Variants in PRICKLE2 observed in about 807,000 individuals in gnomAD.
PRICKLE2 encodes prickle planar cell polarity protein 2, also known as prickle-like protein 2.
In PRICKLE2, 21 loss-of-function variants were observed where a neutral mutation model predicts 81.4. The observed-to-expected ratio is 0.26, with a 90% confidence interval of 0.18 to 0.37. PRICKLE2 has a LOEUF of 0.37. Ranked by LOEUF, PRICKLE2 falls within the 10% of genes least tolerant of loss-of-function variation. The probability of loss-of-function intolerance (pLI) is 1.00; values close to 1 mark genes in which losing one functional copy is unlikely to be tolerated. For synonymous variants in PRICKLE2, 456 were observed against 421.5 expected (o/e 1.08, Z -1.00); for missense variants, 940 against 1,109.0 (o/e 0.85, Z 2.16).
intron 5 of PRICKLE2, 138 bp from the exon 6 acceptor site, chr3:64,153,506 T>A (rs2077578640): frequency 2.7e-6 from 2 of 754,104 alleles, no homozygotes; most frequent in South Asian, 1.6e-5. Flanking sequence ...AAAATCCATA[T>A]GGATATGTTT....
chr3:64,151,056 C>A (rs543518154), intron 6 of PRICKLE2, among the ~76,000 whole-genome samples: 34 of 152,316 alleles, frequency 2.2e-4, no homozygotes, highest in African/African-American at 7.5e-4. Context: ...GTTTATAGGA[C>A]TGTTTACTCT....
chr3:64,228,803 T>A (rs1263010345), upstream of PRICKLE2, among the ~76,000 whole-genome samples: 1 of 152,166 alleles, frequency 6.6e-6, no homozygotes, highest in African/African-American at 2.4e-5. Context: ...CTGTCGACCT[T>A]CAGAACTTTC....
intron 2 of PRICKLE2, among the ~76,000 whole-genome samples, chr3:64,196,248 T>C (rs939097691): frequency 6.6e-6 from 1 of 152,224 alleles, no homozygotes; most frequent in Non-Finnish European, 1.5e-5. Flanking sequence ...GAAAACTCTA[T>C]TTAAGCAGGA....
intron 2 of PRICKLE2, among the ~76,000 whole-genome samples, chr3:64,258,041 C>T (rs1000734348): frequency 6.6e-6 from 1 of 152,164 alleles, no homozygotes; most frequent in African/African-American, 2.4e-5. Context: ...TGATCTTGAA[C>T]CTCCAAGCAC....
rs142075140 is a variant in PRICKLE2, at chr3:64,250,617, G to T, written c.129-51650C>A. Among the ~76,000 whole-genome samples the T allele has an allele frequency of 5.9e-5, 9 of 152,276 alleles. No homozygotes were observed. In the East Asian group the frequency reaches 1.2e-3, roughly 20 times the overall value. On this transcript the variant is annotated intron_variant, in intron 2 of 8. Coordinates refer to the PRICKLE2 transcript ENST00000295902. ...ATAAGAACATTAAAAGAGTTAGAAG[G>T]CCTCACTCATGAGATCATGGCACTT... is the stretch of plus-strand genomic sequence containing the variant.
intron 2 of PRICKLE2, among the ~76,000 whole-genome samples, chr3:64,178,971 CT>C (rs1252942686): frequency 3.8e-5 from 2 of 52,954 alleles, no homozygotes; most frequent in African/African-American, 8.3e-5. Context: ...TATTTTCTTT[CT>C]TTCTTTCTTT....
At chr3:64,226,105 G>C (rs1169810613), upstream of PRICKLE2, among the ~76,000 whole-genome samples, 1 of 152,010 alleles carries the variant, frequency 6.6e-6, no homozygotes. Flanking sequence ...AACCTTCCCA[G>C]GGCATCTGAA....
At chr3:64,199,735 C>T (rs774686875) in intron 1 of PRICKLE2, 4 of 152,124 alleles carry the variant, frequency 2.6e-5, no homozygotes, top group Non-Finnish European at 4.4e-5. Context: ...TTCTCTTATC[C>T]ATAGCTACAG....
chr3:64,186,429 C>T (rs573119282), intron 2 of PRICKLE2, among the ~76,000 whole-genome samples: 12 of 152,290 alleles, frequency 7.9e-5, no homozygotes, highest in African/African-American at 2.9e-4. Context: ...AGCTTAGACT[C>T]TCAAACACTT....
intron 3 of PRICKLE2, among the ~76,000 whole-genome samples, chr3:64,162,086 T>C (rs1257966602): frequency 6.6e-6 from 1 of 152,130 alleles, no homozygotes; most frequent in Non-Finnish European, 1.5e-5. Flanking sequence ...CATTCTAATG[T>C]GGGAAAATAA....
intron 1 of PRICKLE2, among the ~76,000 whole-genome samples, chr3:64,201,643 C>T (rs1575660225): frequency 2.6e-5 from 4 of 152,146 alleles, no homozygotes; most frequent in East Asian, 1.9e-4. Context: ...GGATACAAGT[C>T]CTTTATCAGA....
intron 1 of PRICKLE2, among the ~76,000 whole-genome samples, chr3:64,202,414 A>G (rs569662131): frequency 7.4e-4 from 112 of 152,258 alleles, no homozygotes; most frequent in Non-Finnish European, 1.4e-3. Flanking sequence ...CATTTACTTC[A>G]ATCTAATTTC....
intron 7 of PRICKLE2, among the ~76,000 whole-genome samples, chr3:64,127,972 T>G (rs1353232604): frequency 6.6e-6 from 1 of 151,936 alleles, no homozygotes; most frequent in Non-Finnish European, 1.5e-5. Context: ...CAGGGCAGAT[T>G]TATTGAACAG....
In PRICKLE2 at chr3:64,199,933, A is replaced by C. The variant is rs536767427; in HGVS notation, c.-40-966T>G. On this transcript the variant is annotated intron_variant, in intron 1 of 7. Transcript: ENST00000638394. Reference sequence around the variant, plus strand: ...TTATAAAGGTGATAAAAGAGCCCAGAATTTTAATCCCCAGATGTGCCTGAA... The same window carrying C: ...TTATAAAGGTGATAAAAGAGCCCAGCATTTTAATCCCCAGATGTGCCTGAA... The C allele has an allele frequency of 2.0e-5, 3 of 152,350 alleles. No individual in the cohort carries two copies. In the South Asian group the frequency reaches 6.2e-4, roughly 32 times the overall value. The allele number at this position is 152,350 out of a possible 1,614,324, so 9.4% of individuals were successfully genotyped here.
intron 2 of PRICKLE2, among the ~76,000 whole-genome samples, chr3:64,196,973 C>T (rs1270604816): frequency 6.6e-6 from 1 of 152,132 alleles, no homozygotes; most frequent in East Asian, 1.9e-4. Flanking sequence ...AATTTTAAAA[C>T]AATACCTTGC....
intron 3 of PRICKLE2, 103 bp downstream of exon 3, chr3:64,162,913 A>C (rs1194080305): frequency 3.6e-6 from 3 of 830,222 alleles, no homozygotes; most frequent in Non-Finnish European, 6.5e-6. Flanking sequence ...ATAAATTGCC[A>C]GAGTTCTTCT....
At chr3:64,246,724 A>G (rs2079362033) in intron 2 of PRICKLE2, among the ~76,000 whole-genome samples, 1 of 152,234 alleles carries the variant, frequency 6.6e-6, no homozygotes, top group South Asian at 2.1e-4. Context: ...TTTGAGGAAC[A>G]CTAAATTAGA....
At chr3:64,120,738 C>G (rs1226820210) in intron 7 of PRICKLE2, among the ~76,000 whole-genome samples, 2 of 152,072 alleles carry the variant, frequency 1.3e-5, no homozygotes, top group Non-Finnish European at 2.9e-5. Context: ...CATAACATAT[C>G]CAGGAAGGCA....
intron 7 of PRICKLE2, among the ~76,000 whole-genome samples, chr3:64,142,802 C>T (rs192042174): frequency 3.0e-4 from 45 of 152,244 alleles, no homozygotes; most frequent in African/African-American, 8.2e-4. Flanking sequence ...TGATTTTAAA[C>T]GCAATTATCA....
Sources: gnomAD v4.1 joint callset for allele counts (sites outside exome capture counted in the v4.1 genomes callset) on GRCh38, gnomAD v4.1.1 for gene constraint, MANE v1.5 for transcripts, NCBI Gene and HGNC (gene_info 2026-07-23, HGNC 2026-07-21) for gene names.